The following CD276 variants were observed in gnomAD, a reference collection of about 807,000 sequenced individuals.
CD276 encodes CD276 antigen.
In CD276, 34 loss-of-function variants were observed where a neutral mutation model predicts 50.0. The ratio of observed to expected loss-of-function variants is 0.68; its 90% confidence interval spans 0.52 to 0.91. The LOEUF (loss-of-function observed/expected upper bound fraction) is 0.91, where lower values mean the gene tolerates loss of function less well. CD276 is among the 40% of genes least tolerant of loss of function. CD276 has a pLI of 0.00. For synonymous variants in CD276, 275 were observed against 313.0 expected (o/e 0.88, Z 1.28); for missense variants, 634 against 717.5 (o/e 0.88, Z 1.33).
chr15:73,713,037 C>G lies in CD276; in HGVS notation c.*81C>G. On this transcript the variant is annotated 3_prime_UTR_variant, in exon 10 of 10. Transcript: ENST00000318443. ...ATGGGGCTGCACTGTGAGCCCTGCC[C>G]CCAACAGATGCATCCTGCTCTGACA... 2.3e-6 allele frequency: 3 copies of G among 1,306,218 alleles called. No homozygotes were observed. Among genetic ancestry groups the G allele is most frequent in the Non-Finnish European group, 3.3e-6 (3 of 915,478 alleles). 80.9% of individuals were successfully genotyped at this position (1,306,218 alleles called of 1,614,324 possible). A position where few individuals can be genotyped will look rare whatever the true frequency, so the allele number is the denominator to read the frequency against.
intron 9 of CD276, 117 bp downstream of exon 9, chr15:73,711,287 G>A (rs747069322): frequency 2.4e-4 from 269 of 1,121,224 alleles, no homozygotes; most frequent in Non-Finnish European, 3.2e-4. Context: ...CTCTGCAGAA[G>A]AGCAGCCTCA....
At chr15:73,693,430 A>G (rs907676829) in intron 1 of CD276, among the ~76,000 whole-genome samples, 2 of 152,194 alleles carry the variant, frequency 1.3e-5, no homozygotes, top group South Asian at 4.1e-4. Context: ...AACAATGAAA[A>G]AAATGTTGTG....
At chr15:73,707,202 C>T (rs954543878) in intron 6 of CD276, among the ~76,000 whole-genome samples, 5 of 152,332 alleles carry the variant, frequency 3.3e-5, no homozygotes, top group African/African-American at 1.2e-4. Flanking sequence ...ACTGACAGGG[C>T]CTCCTGCAGA....
intron 4 of CD276, 120 bp downstream of exon 4, chr15:73,703,206 T>C: frequency 8.4e-7 from 1 of 1,184,968 alleles, no homozygotes; most frequent in South Asian, 1.5e-5. Context: ...CTCCTAATGA[T>C]AGGGAGAAAG....
At position 73,704,479 on chromosome 15, in the gene CD276, G is replaced by A; in HGVS notation, c.1369+7G>A. The A allele has an allele frequency of 6.2e-7, 1 of 1,609,636 alleles. No individual in the cohort carries two copies. The highest frequency in any genetic ancestry group is 1.1e-5 in the South Asian group (1 of 90,794). On this transcript the variant is annotated splice_region_variant and intron_variant, in intron 6 of 9. Transcript: ENST00000318443. The surrounding 1 kb of genome is among the most constrained non-coding windows in gnomAD (Gnocchi z 4.1). ...GGCTCTGTCACCATCACAGGTAAGGGCAGATGAACAGCTGGGGAAGGACGG... is the reference window on the plus strand; with the variant it reads ...GGCTCTGTCACCATCACAGGTAAGGACAGATGAACAGCTGGGGAAGGACGG...
intron 1 of CD276, among the ~76,000 whole-genome samples, chr15:73,686,887 G>A (rs1254184102): frequency 2.0e-5 from 3 of 152,186 alleles, no homozygotes; most frequent in African/African-American, 7.2e-5. Flanking sequence ...CAGGGAAAGA[G>A]GAAAAATGGC....
Position 73,699,635 on chromosome 15 carries a change from G to A in CD276, c.-5G>A, listed in dbSNP as rs759707686. 2 of 1,613,748 alleles carry A rather than the reference G, an allele frequency of 1.2e-6. No homozygotes were observed. Among genetic ancestry groups the A allele is most frequent in the Non-Finnish European group, 1.7e-6 (2 of 1,179,928 alleles). On this transcript the variant is annotated 5_prime_UTR_variant, in exon 2 of 10. Transcript: ENST00000318443. Reference sequence around the variant, plus strand: ...GAGCCCAGCTGTCAGCCGCCTCACAGGAAGATGCTGCGTCGGCGGGGCAGC... The same window carrying A: ...GAGCCCAGCTGTCAGCCGCCTCACAAGAAGATGCTGCGTCGGCGGGGCAGC...
chr15:73,708,206 TA>T, intron 6 of CD276, 132 bp from the exon 7 acceptor site: 1 of 942,038 alleles, frequency 1.1e-6, no homozygotes, highest in Non-Finnish European at 1.6e-6. Context: ...TGTAGGAACT[TA>T]AGTGAGCTTT....
In CD276 at chr15:73,701,603, A is replaced by G. The variant is rs139675146; in HGVS notation, c.80-652A>G. Among the ~76,000 whole-genome samples, 686 of 152,238 alleles carry G rather than the reference A, an allele frequency of 4.5e-3. 4 individuals carry two copies. Among genetic ancestry groups the G allele is most frequent in the African/African-American group, 0.015 (630 of 41,528 alleles). The stretch of plus-strand genomic sequence containing the variant: ...CTGTTTCCTCTACGGGGTTCTCTGT[A>G]TGTCAGCTCTTTTTCATTCCCTATA... On this transcript the variant is annotated intron_variant, in intron 2 of 9. Transcript: ENST00000318443.
At position 73,703,661 on chromosome 15, in the gene CD276, G is replaced by C; in HGVS notation, c.736G>C (p.Ala246Pro). The C allele has an allele frequency of 6.2e-7, 1 of 1,606,044 alleles. No individual in the cohort carries two copies. Among genetic ancestry groups the C allele is most frequent in the Non-Finnish European group, 8.5e-7 (1 of 1,175,474 alleles). The change falls in exon 5 of 10, where the codon GCC becomes CCC. Residue 246 changes from alanine to proline, a missense_variant and splice_region_variant. Transcript: ENST00000318443. ...TGCCCCTCTGACCCCGCCCCCAGGA[G>C]CCGTGGAGGTCCAGGTCCCTGAGGA... ...TITPQRSPTG[A>P]VEVQVPEDPV...
chr15:73,700,545 C>T (rs1176318608), intron 2 of CD276, among the ~76,000 whole-genome samples: 2 of 152,140 alleles, frequency 1.3e-5, no homozygotes, highest in Non-Finnish European at 2.9e-5. Flanking sequence ...CCCCAAATGT[C>T]CCCTCCAAGG....
intron 2 of CD276, among the ~76,000 whole-genome samples, chr15:73,700,956 T>C (rs1023911345): frequency 2.1e-4 from 28 of 130,912 alleles, no homozygotes; most frequent in African/African-American, 9.1e-4. Flanking sequence ...AAGGATGGAG[T>C]GCAGTGGCGC....
rs990932954 is a variant in CD276 at position 73,700,879 on chromosome 15, G to A, written c.79+1161G>A. 2.8e-3 allele frequency among the ~76,000 whole-genome samples: 13 copies of A among 4,696 alleles called. No homozygotes were observed. In the Admixed American group the frequency reaches 0.03, roughly 11 times the overall value. The allele number at this position is 4,696 out of a possible 152,430, so 3.1% of individuals were successfully genotyped here. A position where few individuals can be genotyped will look rare whatever the true frequency, so the allele number is the denominator to read the frequency against. On this transcript the variant is annotated intron_variant, in intron 2 of 9. Transcript: ENST00000318443. ...TGGTAGTGCCAGGGTGGGGGGGTTC[G>A]CTTCCCCTCCTCCCCTCCTCCTCCT...
At chr15:73,708,614 T>A in intron 7 of CD276, 141 bp downstream of exon 7, 1 of 989,750 alleles carries the variant, frequency 1.0e-6, no homozygotes. Context: ...TTTGTCTGTG[T>A]GTGACCTTGA....
chr15:73,711,575 T>C (rs769624444), intron 9 of CD276: 2 of 190,888 alleles, frequency 1.0e-5, no homozygotes, highest in Admixed American at 1.1e-4. Context: ...AGGAAGGATA[T>C]GTTTCCTTCT....
intron 7 of CD276, 79 bp downstream of exon 7, chr15:73,708,552 G>C: frequency 6.7e-7 from 1 of 1,489,588 alleles, no homozygotes; most frequent in East Asian, 2.4e-5. Flanking sequence ...GATGTCAATA[G>C]AGTGTCACTT....
At chr15:73,711,758 TATA>T (rs1157003349) in intron 9 of CD276, 2 of 153,798 alleles carry the variant, frequency 1.3e-5, no homozygotes, top group African/African-American at 4.8e-5. Context: ...GGCCTATTGT[TATA>T]ATGTCAGTGA....
rs564007388 is a variant in CD276, at chr15:73,712,539, G to A, written c.1583-395G>A. On this transcript the variant is annotated intron_variant, in intron 9 of 9. Transcript: ENST00000318443. The stretch of plus-strand genomic sequence containing the variant: ...TGTCACTCTCAGGGAAACCAGTGTG[G>A]AGGGGACACTGGGAAGGCTGCCTGC... Among the ~76,000 whole-genome samples the A allele has an allele frequency of 2.0e-5, 3 of 152,368 alleles. 1 individual carries two copies. In the East Asian group the frequency reaches 5.8e-4, roughly 29 times the overall value.
chr15:73,695,700 GA>G (rs1382000386), intron 1 of CD276, among the ~76,000 whole-genome samples: 3 of 152,116 alleles, frequency 2.0e-5, no homozygotes, highest in Middle Eastern at 3.4e-3. Context: ...TGGTTTAAGG[GA>G]AAAAAAATGA....
Sources: gnomAD v4.1 joint callset for allele counts (sites outside exome capture counted in the v4.1 genomes callset) on GRCh38, gnomAD v4.1.1 for gene constraint, Gnocchi (gnomAD v3.1) non-coding constraint, MANE v1.5 for transcripts, NCBI Gene and HGNC (gene_info 2026-07-23, HGNC 2026-07-21) for gene names.